Variants in MAP3K5 observed in about 807,000 individuals in gnomAD.
MAP3K5 encodes ASK-1.
A neutral mutation model predicts 158.7 loss-of-function variants in MAP3K5; 56 were observed. The ratio of observed to expected loss-of-function variants is 0.35; its 90% confidence interval spans 0.28 to 0.44. MAP3K5 has a LOEUF of 0.44. Ranked by LOEUF, MAP3K5 falls within the 20% of genes least tolerant of loss-of-function variation. MAP3K5 has a pLI of 1.00. For missense variants in MAP3K5, 1,294 were observed against 1,674.8 expected (o/e 0.77, Z 3.97); for synonymous variants, 579 against 601.7 (o/e 0.96, Z 0.55).
intron 14 of MAP3K5, among the ~76,000 whole-genome samples, chr6:136,630,752 G>A (rs1413286220): frequency 6.6e-6 from 1 of 152,160 alleles, no homozygotes; most frequent in Non-Finnish European, 1.5e-5. Context: ...TTCTTACTAA[G>A]ATGATATATA....
At chr6:136,742,292 A>G (rs1425811563) in intron 1 of MAP3K5, among the ~76,000 whole-genome samples, 1 of 152,188 alleles carries the variant, frequency 6.6e-6, no homozygotes, top group Non-Finnish European at 1.5e-5. Flanking sequence ...GAAATAGATC[A>G]ACGGAACAGA....
At chr6:136,584,269 A>G (rs1775016864) in intron 23 of MAP3K5, 1 of 152,676 alleles carries the variant, frequency 6.5e-6, no homozygotes, top group African/African-American at 2.4e-5. Context: ...AGGGTCATGA[A>G]TATGTCCAAC....
At chr6:136,717,717 C>T (rs1359354752) in intron 2 of MAP3K5, among the ~76,000 whole-genome samples, 1 of 152,146 alleles carries the variant, frequency 6.6e-6, no homozygotes, top group Non-Finnish European at 1.5e-5. Flanking sequence ...AAAATACACA[C>T]ACACACCAAC....
rs1258535261 is a variant in MAP3K5 at position 136,677,207 on chromosome 6, G to A, written c.1254-7812C>T. On this transcript the variant is annotated intron_variant, in intron 7 of 29. Transcript: ENST00000359015. Reference sequence around the variant, plus strand: ...GGCTGGAGTGTAGTGGCGCAATCTCGGCTCACTGCAAGCTCTGCCTCCCAG... The same window carrying A: ...GGCTGGAGTGTAGTGGCGCAATCTCAGCTCACTGCAAGCTCTGCCTCCCAG... 5.2e-5 allele frequency among the ~76,000 whole-genome samples: 7 copies of A among 133,476 alleles called. No individual in the cohort carries two copies. The East Asian group carries it at 6.5e-4, about 12-fold the overall frequency. 87.6% of individuals were successfully genotyped at this position (133,476 alleles called of 152,430 possible).
At chr6:136,745,262 A>G (rs1782888677) in intron 1 of MAP3K5, among the ~76,000 whole-genome samples, 1 of 149,240 alleles carries the variant, frequency 6.7e-6, no homozygotes, top group Non-Finnish European at 1.5e-5. Context: ...TCCCTTTCCT[A>G]TATCAGAGTA....
At chr6:136,661,898 T>C (rs1003340203) in intron 8 of MAP3K5, among the ~76,000 whole-genome samples, 1 of 152,204 alleles carries the variant, frequency 6.6e-6, no homozygotes, top group East Asian at 1.9e-4. Flanking sequence ...AAGTTCATTT[T>C]GTGGTGGTGA....
intron 7 of MAP3K5, among the ~76,000 whole-genome samples, chr6:136,681,712 C>G (rs767033835): frequency 6.6e-6 from 1 of 152,068 alleles, no homozygotes; most frequent in Non-Finnish European, 1.5e-5. Context: ...GTCAGGAGAT[C>G]GAGGCCATCC....
In MAP3K5 at chr6:136,651,363, C is replaced by A. The variant is rs565408538; in HGVS notation, c.1681-272G>T. ...AATTTTTGAAGTCCATACATGGGTT[C>A]AGCTATCCTCAGGGAATCTACTAGT... On this transcript the variant is annotated intron_variant, in intron 10 of 29. Coordinates refer to ENST00000359015, the MANE Select transcript of MAP3K5 (RefSeq NM_005923.4). Among the ~76,000 whole-genome samples, 9 of 152,248 alleles carry A rather than the reference C, an allele frequency of 5.9e-5. No individual in the cohort carries two copies. In the East Asian group the frequency reaches 1.5e-3, roughly 26 times the overall value.
chr6:136,671,124 A>G (rs1163693719), intron 7 of MAP3K5, among the ~76,000 whole-genome samples: 1 of 152,208 alleles, frequency 6.6e-6, no homozygotes, highest in Non-Finnish European at 1.5e-5. Flanking sequence ...AAGATACGTA[A>G]TATTTTTCAT....
intron 2 of MAP3K5, among the ~76,000 whole-genome samples, chr6:136,708,611 G>A (rs1781176658): frequency 6.6e-6 from 1 of 152,108 alleles, no homozygotes; most frequent in African/African-American, 2.4e-5. Flanking sequence ...AAAGTCCAGA[G>A]ACATCATAGT....
intron 11 of MAP3K5, among the ~76,000 whole-genome samples, chr6:136,649,998 C>T (rs1289040486): frequency 6.6e-6 from 1 of 152,220 alleles, no homozygotes; most frequent in East Asian, 1.9e-4. Flanking sequence ...CCTGCTTCCA[C>T]TTCCTGCTTT....
At chr6:136,624,419 A>G (rs1018536265) in intron 14 of MAP3K5, among the ~76,000 whole-genome samples, 1 of 152,228 alleles carries the variant, frequency 6.6e-6, no homozygotes, top group African/African-American at 2.4e-5. Flanking sequence ...TGGCACACAG[A>G]TTTTAAAATA....
intron 1 of MAP3K5, among the ~76,000 whole-genome samples, chr6:136,738,081 G>A (rs563652764): frequency 3.0e-4 from 46 of 152,256 alleles, no homozygotes; most frequent in East Asian, 2.5e-3. Flanking sequence ...ATGGCTTATC[G>A]CTCTGCCCAG....
chr6:136,602,029 A>C (rs1251866332), intron 19 of MAP3K5, 50 bp from the exon 20 acceptor site: 1 of 1,490,648 alleles, frequency 6.7e-7, no homozygotes. Context: ...TGAACATCTC[A>C]GCACCTGAAC....
chr6:136,600,886 T>C, intron 21 of MAP3K5, 136 bp downstream of exon 21: 1 of 754,878 alleles, frequency 1.3e-6, no homozygotes, highest in South Asian at 1.8e-5. Flanking sequence ...CACATCCTTA[T>C]AGTATCTAGT....
Position 136,601,845 on chromosome 6 carries a change from T to A in MAP3K5, c.2814A>T (p.Leu938Phe), listed in dbSNP as rs1219643347. 1.9e-6 allele frequency: 3 copies of A among 1,614,076 alleles called. No individual in the cohort carries two copies. Among genetic ancestry groups the A allele is most frequent in the Admixed American group, 1.7e-5 (1 of 60,002 alleles). Residue 938 changes from leucine (L) to phenylalanine (F), a missense_variant, in exon 20 of 30, where the codon TTA becomes TTT. Leu to Phe is a conservative substitution (Grantham distance 22). Around this residue, in one of 5 missense-constraint regions of MAP3K5, gnomAD observed 362 missense variants for 463.2 expected, o/e 0.78. Coordinates refer to ENST00000359015, the MANE Select transcript of MAP3K5 (RefSeq NM_005923.4). ...TCTTTTTCTTTTTGCTTGAAACTTT[T>A]AAAAACTCATCAACAAGCAAGTCGT... ...CANDLLVDEFLKVSSKKKKTQ... is the reference protein window; with the variant it reads ...CANDLLVDEFFKVSSKKKKTQ...
At chr6:136,683,630 G>T (rs1035995903) in intron 7 of MAP3K5, among the ~76,000 whole-genome samples, 1 of 152,130 alleles carries the variant, frequency 6.6e-6, no homozygotes, top group Non-Finnish European at 1.5e-5. Context: ...ACTCATCTAC[G>T]CAAGTGTTAA....
chr6:136,638,605 T>C (rs1322437518), intron 13 of MAP3K5, among the ~76,000 whole-genome samples: 1 of 152,230 alleles, frequency 6.6e-6, no homozygotes, highest in African/African-American at 2.4e-5. Flanking sequence ...CTTGAGAATT[T>C]AAGTGTAAGT....
At chr6:136,645,114 T>C (rs1277104305) in intron 11 of MAP3K5, among the ~76,000 whole-genome samples, 1 of 152,076 alleles carries the variant, frequency 6.6e-6, no homozygotes, top group Non-Finnish European at 1.5e-5. Context: ...AATTTTTTTG[T>C]AGAGACGGGG....
Sources: gnomAD v4.1 joint callset for allele counts (sites outside exome capture counted in the v4.1 genomes callset) on GRCh38, gnomAD v4.1.1 for gene constraint, gnomAD v4.1.1 regional missense constraint, MANE v1.5 for transcripts, NCBI Gene and HGNC (gene_info 2026-07-23, HGNC 2026-07-21) for gene names.